STK32B: variants seen among roughly 807,000 people sequenced by gnomAD.
STK32B encodes the protein serine/threonine-protein kinase 32B.
STK32B carries 43 observed loss-of-function variants against 52.6 expected under a neutral mutation model. The observed-to-expected ratio is 0.82, with a 90% CI of 0.64 to 1.05. STK32B has a LOEUF of 1.05. Ranked by LOEUF, STK32B falls within the 50% of genes least tolerant of loss-of-function variation. STK32B has a pLI of 0.00. For synonymous variants in STK32B, 238 were observed against 204.3 expected, an observed-to-expected ratio of 1.17 and a Z score of -1.41; for missense variants, 621 against 534.6, an observed-to-expected ratio of 1.16 and a Z score of -1.59.
intron 3 of STK32B, among the ~76,000 whole-genome samples, chr4:5,306,558 A>T (rs1577320338): frequency 6.6e-6 from 1 of 152,100 alleles, no homozygotes; most frequent in Non-Finnish European, 1.5e-5. Context: ...TGTCTTGAAG[A>T]GAGCAGATAC....
chr4:5,334,533 G>C (rs1560329336), intron 4 of STK32B, among the ~76,000 whole-genome samples: 1 of 152,188 alleles, frequency 6.6e-6, no homozygotes, highest in Non-Finnish European at 1.5e-5. Flanking sequence ...AGTGGTGAGA[G>C]AGGGCATCCG....
intron 4 of STK32B, among the ~76,000 whole-genome samples, chr4:5,370,766 A>G (rs931954357): frequency 1.3e-5 from 2 of 151,970 alleles, no homozygotes; most frequent in African/African-American, 4.8e-5. Flanking sequence ...GCTGAGGTGG[A>G]TGGATTGCTT....
At chr4:5,497,050 A>G (rs1174549437) in intron 11 of STK32B, among the ~76,000 whole-genome samples, 2 of 152,194 alleles carry the variant, frequency 1.3e-5, no homozygotes, top group Non-Finnish European at 1.5e-5. Flanking sequence ...TGAGTTTTCA[A>G]CAATTTTTTT....
At chr4:5,322,088 C>G (rs1387052180) in intron 3 of STK32B, among the ~76,000 whole-genome samples, 1 of 151,410 alleles carries the variant, frequency 6.6e-6, no homozygotes, top group African/African-American at 2.4e-5. Context: ...AATCCCAGCA[C>G]TTTGGGAGGC....
At chr4:5,051,977 G>C in intron 1 of STK32B, 62 bp downstream of exon 1, 1 of 1,549,672 alleles carries the variant, frequency 6.5e-7, no homozygotes, top group Non-Finnish European at 8.7e-7. Context: ...CACCACCCTC[G>C]GCCGAGCCCT....
chr4:5,145,102 A>G (rs1313876664), intron 2 of STK32B, among the ~76,000 whole-genome samples: 1 of 152,118 alleles, frequency 6.6e-6, no homozygotes, highest in Non-Finnish European at 1.5e-5. Context: ...CTGCATACCC[A>G]TATGATTTTT....
intron 1 of STK32B, among the ~76,000 whole-genome samples, chr4:5,097,317 G>A (rs1025650791): frequency 9.2e-5 from 14 of 152,150 alleles, no homozygotes; most frequent in African/African-American, 3.4e-4. Flanking sequence ...AAAATGGCAC[G>A]AGTGACACTT....
At chr4:5,451,278 A>G (rs1183613763) in intron 7 of STK32B, among the ~76,000 whole-genome samples, 3 of 152,306 alleles carry the variant, frequency 2.0e-5, no homozygotes, top group Admixed American at 1.3e-4. Flanking sequence ...TCACATATGA[A>G]TGGCTGGAAG....
intron 3 of STK32B, among the ~76,000 whole-genome samples, chr4:5,232,774 G>A (rs1303369580): frequency 6.6e-6 from 1 of 152,056 alleles, no homozygotes; most frequent in Non-Finnish European, 1.5e-5. Flanking sequence ...GCCCCTTTAG[G>A]TCCACTCTAC....
chr4:5,446,781 G>T lies in STK32B; in HGVS notation c.666+5G>T. The T allele has an allele frequency of 1.2e-6, 2 of 1,613,888 alleles. No homozygotes were observed. The highest frequency in any genetic ancestry group is 1.7e-6 in the Non-Finnish European group (2 of 1,179,856). The stretch of plus-strand genomic sequence containing the variant: ...TATGAGCTGCTGCGGGGCTGGGTAA[G>T]ACAGGCACCTGTGCGGTACACACGA... On this transcript the variant is annotated splice_donor_5th_base_variant and intron_variant, in intron 7 of 11. Coordinates refer to ENST00000282908, the MANE Select transcript of STK32B (RefSeq NM_018401.3).
intron 3 of STK32B, among the ~76,000 whole-genome samples, chr4:5,175,105 C>G (rs1042443563): frequency 6.6e-6 from 1 of 152,220 alleles, no homozygotes; most frequent in Non-Finnish European, 1.5e-5. Flanking sequence ...GTTACTGAGG[C>G]TTGTGCATTC....
intron 4 of STK32B, among the ~76,000 whole-genome samples, chr4:5,335,891 A>G (rs938247493): frequency 2.0e-5 from 3 of 151,588 alleles, no homozygotes; most frequent in African/African-American, 4.9e-5. Context: ...GGAGAGCTTT[A>G]TTTCCAACTA....
At chr4:5,466,258 G>T (rs1394493716) in intron 9 of STK32B, among the ~76,000 whole-genome samples, 1 of 152,178 alleles carries the variant, frequency 6.6e-6, no homozygotes, top group Non-Finnish European at 1.5e-5. Context: ...GCGGGAGGCG[G>T]GGGTACGGAG....
intron 2 of STK32B, among the ~76,000 whole-genome samples, chr4:5,168,077 C>T (rs527454183): frequency 8.0e-4 from 122 of 152,224 alleles, no homozygotes; most frequent in African/African-American, 2.6e-3. Context: ...AGTACATGGC[C>T]AGTGCTCATG....
chr4:5,445,610 G>A (rs996624247), intron 6 of STK32B, among the ~76,000 whole-genome samples: 2 of 152,082 alleles, frequency 1.3e-5, no homozygotes, highest in Non-Finnish European at 2.9e-5. Flanking sequence ...AAGAATAAGG[G>A]TCCACCACTC....
intron 1 of STK32B, among the ~76,000 whole-genome samples, chr4:5,107,893 A>G (rs1355287740): frequency 1.3e-5 from 2 of 152,164 alleles, no homozygotes; most frequent in East Asian, 1.9e-4. Flanking sequence ...TTTTATATAA[A>G]TGTTTATTAA....
At chr4:5,307,567 G>A (rs1011765691) in intron 3 of STK32B, among the ~76,000 whole-genome samples, 1 of 133,518 alleles carries the variant, frequency 7.5e-6, no homozygotes, top group Admixed American at 7.2e-5. Context: ...TTTTTTTTAG[G>A]TTGAACTTCA....
intron 3 of STK32B, among the ~76,000 whole-genome samples, chr4:5,299,934 T>C (rs1729446092): frequency 2.0e-5 from 3 of 152,138 alleles, no homozygotes; most frequent in Admixed American, 6.5e-5. Context: ...GACCAACTCA[T>C]TCTATGAAAC....
At chr4:5,364,251 G>T (rs1577398508) in intron 4 of STK32B, among the ~76,000 whole-genome samples, 1 of 152,286 alleles carries the variant, frequency 6.6e-6, no homozygotes, top group African/African-American at 2.4e-5. Context: ...CAGAATGATA[G>T]AAACCCAAAT....
Sources: allele counts gnomAD v4.1 joint callset (sites outside exome capture counted in the v4.1 genomes callset), GRCh38; gene constraint gnomAD v4.1.1; transcripts MANE v1.5; gene names NCBI Gene and HGNC (gene_info 2026-07-23, HGNC 2026-07-21).